Variants in EPM2A observed in about 807,000 individuals in gnomAD.
EPM2A encodes the protein laforin.
Under a neutral mutation model 26.5 loss-of-function variants are expected in EPM2A, and 21 were observed. The ratio of observed to expected loss-of-function variants is 0.79; its 90% CI spans 0.56 to 1.14. EPM2A has a LOEUF of 1.14. Ranked by LOEUF, EPM2A falls within the 50% of genes most tolerant of loss-of-function variation. The probability of loss-of-function intolerance (pLI) is 0.00; values close to 1 mark genes in which losing one functional copy is unlikely to be tolerated. For synonymous variants in EPM2A, 217 were observed against 177.6 expected (o/e 1.22, Z -1.76); for missense variants, 458 against 440.8 (o/e 1.04, Z -0.35).
Position 145,545,063 on chromosome 6 carries a change from C to T in EPM2A, c.341-42488G>A, listed in dbSNP as rs181494573. Among the ~76,000 whole-genome samples the T allele has an allele frequency of 3.7e-4, 57 of 152,254 alleles. 2 individuals carry two copies. Among genetic ancestry groups the T allele is most frequent in the Admixed American group, 3.0e-3 (46 of 15,274 alleles). On this transcript the variant is annotated intron_variant, in intron 2 of 3. Coordinates refer to the EPM2A transcript ENST00000450221. ...ATCTTCTACATTATCACTTGTGAAG[C>T]CTAAGTATCTCTGAAGTCTATGCAG...
Position 145,695,661 on chromosome 6 carries a change from G to A in EPM2A, c.302-9365C>T, listed in dbSNP as rs889306319. Among the ~76,000 whole-genome samples, 8 of 151,992 alleles carry A rather than the reference G, an allele frequency of 5.3e-5. No homozygotes were observed. The South Asian group carries it at 6.2e-4, about 12-fold the overall frequency. ...AGAGGTAGCTATATTTCTATCAGAC[G>A]AAAAAGACTTTAAGTCAAACATCAG... On this transcript the variant is annotated intron_variant, in intron 1 of 3. Coordinates refer to ENST00000367519, the MANE Select transcript of EPM2A (RefSeq NM_005670.4).
chr6:145,417,491 C>T (rs2114680335), intron 4 of EPM2A, among the ~76,000 whole-genome samples: 1 of 152,194 alleles, frequency 6.6e-6, no homozygotes, highest in South Asian at 2.1e-4. Flanking sequence ...AGTGTGTTTT[C>T]ATGGCATAGT....
At chr6:145,585,232 A>G (rs1229707490) in intron 2 of EPM2A, among the ~76,000 whole-genome samples, 1 of 151,824 alleles carries the variant, frequency 6.6e-6, no homozygotes, top group East Asian at 1.9e-4. Flanking sequence ...GTTTATGTTC[A>G]TTTTGTTTAG....
intron 1 of EPM2A, among the ~76,000 whole-genome samples, chr6:145,701,176 T>C (rs1285445105): frequency 6.6e-6 from 1 of 152,224 alleles, no homozygotes; most frequent in African/African-American, 2.4e-5. Context: ...ACTACACATG[T>C]ATAAGAAACA....
chr6:145,549,762 A>T (rs1262707248), intron 2 of EPM2A, among the ~76,000 whole-genome samples: 1 of 152,118 alleles, frequency 6.6e-6, no homozygotes, highest in Non-Finnish European at 1.5e-5. Flanking sequence ...ACTTATGGTC[A>T]CAGTGTCCTC....
intron 4 of EPM2A, among the ~76,000 whole-genome samples, chr6:145,460,714 C>T (rs973855): frequency 0.45 from 68,905 of 151,932 alleles, 16,298 homozygotes; most frequent in East Asian, 0.55. Context: ...AGACTCTAGA[C>T]CACTTACTTG....
At chr6:145,533,134 T>C (rs1780384392) in intron 2 of EPM2A, among the ~76,000 whole-genome samples, 2 of 152,132 alleles carry the variant, frequency 1.3e-5, no homozygotes, top group Non-Finnish European at 2.9e-5. Context: ...AAAAAATACC[T>C]GTTTCTTTCT....
chr6:145,394,892 G>A (rs1222862346), intron 4 of EPM2A, among the ~76,000 whole-genome samples: 2 of 152,084 alleles, frequency 1.3e-5, no homozygotes, highest in South Asian at 2.1e-4. Context: ...CGACTTATAG[G>A]ATATAAGCTT....
intron 4 of EPM2A, chr6:145,490,861 A>T (rs1779745690): frequency 1.8e-5 from 12 of 669,172 alleles, no homozygotes; most frequent in South Asian, 1.6e-4. Context: ...CTTTTCTGTC[A>T]CTTTGATGAT....
In EPM2A at chr6:145,646,820, C is replaced by T. The variant is rs1027235061; in HGVS notation, c.477-11334G>A. On this transcript the variant is annotated intron_variant, in intron 2 of 3. Coordinates refer to ENST00000367519, the MANE Select transcript of EPM2A (RefSeq NM_005670.4). The stretch of plus-strand genomic sequence containing the variant: ...AGAGTCAAATGAACTCATCTTCATT[C>T]TCTCCTCCTCTTTGCTCCCCACCTA... 3.9e-5 allele frequency among the ~76,000 whole-genome samples: 6 copies of T among 152,048 alleles called. No homozygotes were observed. In the East Asian group the frequency reaches 9.6e-4, roughly 24 times the overall value.
intron 4 of EPM2A, among the ~76,000 whole-genome samples, chr6:145,443,656 A>G (rs1263150371): frequency 6.6e-6 from 1 of 152,128 alleles, no homozygotes; most frequent in Admixed American, 6.6e-5. Flanking sequence ...TTTTTTAGAT[A>G]TAGAATCATG....
intron 1 of EPM2A, among the ~76,000 whole-genome samples, chr6:145,714,849 T>C (rs1775529738): frequency 6.6e-6 from 1 of 152,112 alleles, no homozygotes; most frequent in South Asian, 2.1e-4. Context: ...TCTCACTGGG[T>C]CCCTCCCATA....
intron 2 of EPM2A, chr6:145,671,185 C>A (rs139680131): frequency 9.9e-7 from 1 of 1,009,562 alleles, no homozygotes; most frequent in Non-Finnish European, 1.2e-6. Flanking sequence ...TTTATAAATG[C>A]GAGCAAAGTA....
chr6:145,595,592 T>C (rs1781332241), intron 2 of EPM2A, among the ~76,000 whole-genome samples: 2 of 152,046 alleles, frequency 1.3e-5, no homozygotes, highest in Admixed American at 6.5e-5. Context: ...ATCTATTTTA[T>C]ATTTTTTATT....
intron 2 of EPM2A, among the ~76,000 whole-genome samples, chr6:145,549,565 G>A (rs1780627007): frequency 1.3e-5 from 2 of 151,946 alleles, no homozygotes; most frequent in African/African-American, 4.8e-5. Context: ...TTAGTCCCTT[G>A]CCAAAAATAA....
chr6:145,662,403 T>C (rs964195515), intron 2 of EPM2A, among the ~76,000 whole-genome samples: 1 of 152,024 alleles, frequency 6.6e-6, no homozygotes, highest in Non-Finnish European at 1.5e-5. Context: ...GGTTTCTCAT[T>C]CTGCCTAAAA....
chr6:145,549,952 T>C (rs575425735), intron 2 of EPM2A, among the ~76,000 whole-genome samples: 1 of 152,198 alleles, frequency 6.6e-6, no homozygotes, highest in African/African-American at 2.4e-5. Flanking sequence ...GCAGATGGGG[T>C]AGGAATGACT....
At chr6:145,395,228 TAA>T (rs1186864278) in intron 4 of EPM2A, among the ~76,000 whole-genome samples, 1 of 152,154 alleles carries the variant, frequency 6.6e-6, no homozygotes, top group East Asian at 1.9e-4. Context: ...ATGCTTTACT[TAA>T]AGTTTTCTCC....
At chr6:145,541,407 A>T (rs1780510338) in intron 2 of EPM2A, among the ~76,000 whole-genome samples, 1 of 151,890 alleles carries the variant, frequency 6.6e-6, no homozygotes, top group African/African-American at 2.4e-5. Flanking sequence ...TAAGCCATTT[A>T]AATAAATGAA....
Sources: allele counts gnomAD v4.1 joint callset (sites outside exome capture counted in the v4.1 genomes callset), GRCh38; gene constraint gnomAD v4.1.1; transcripts MANE v1.5; gene names NCBI Gene and HGNC (gene_info 2026-07-23, HGNC 2026-07-21).